Variants in CLYBL observed in about 807,000 individuals in gnomAD.
CLYBL encodes the protein citramalyl-CoA lyase, also known as citramalyl-CoA lyase, mitochondrial.
Under a neutral mutation model 38.9 loss-of-function variants are expected in CLYBL, and 31 were observed. That is an observed-to-expected ratio of 0.80 (90% CI 0.60 to 1.08). The LOEUF (loss-of-function observed/expected upper bound fraction) is 1.08. Among genes scored for constraint, CLYBL ranks in the 50% least tolerant of loss-of-function variants. The pLI, the probability that CLYBL is intolerant of heterozygous loss-of-function variation, is 0.00. For missense variants in CLYBL, 434 were observed against 411.6 expected, an observed-to-expected ratio of 1.05 and a Z score of -0.47; for synonymous variants, 171 against 158.6, an observed-to-expected ratio of 1.08 and a Z score of -0.59.
intron 8 of CLYBL, among the ~76,000 whole-genome samples, chr13:99,903,694 C>T (rs532720163): frequency 6.6e-6 from 1 of 152,138 alleles, no homozygotes; most frequent in Non-Finnish European, 1.5e-5. Context: ...CCAAAATACT[C>T]CGTGAGGTTC....
At position 99,812,695 on chromosome 13, in the gene CLYBL, G is replaced by A. The variant is rs11839443; in HGVS notation, c.249+39685G>A. ...CACATGAAGTGGGAAAAGGAAAAGCGTAATCACGTGCTGGACCCTGACTGG... is the reference window on the plus strand; with the variant it reads ...CACATGAAGTGGGAAAAGGAAAAGCATAATCACGTGCTGGACCCTGACTGG... On this transcript the variant is annotated intron_variant, in intron 2 of 8. Transcript: ENST00000339105. Among the ~76,000 whole-genome samples, 301 of 152,330 alleles carry A rather than the reference G, an allele frequency of 2.0e-3. 1 individual carries two copies. The highest frequency in any genetic ancestry group is 6.7e-3 in the African/African-American group (277 of 41,570).
intron 2 of CLYBL, among the ~76,000 whole-genome samples, chr13:99,835,368 G>T (rs777076125): frequency 6.6e-6 from 1 of 152,176 alleles, no homozygotes; most frequent in Non-Finnish European, 1.5e-5. Context: ...CGTCTGCCCT[G>T]TTGCTCTGAC....
intron 3 of CLYBL, among the ~76,000 whole-genome samples, chr13:99,859,487 T>C (rs937059831): frequency 4.6e-5 from 7 of 152,144 alleles, no homozygotes; most frequent in Admixed American, 3.3e-4. Context: ...TTGCCGCATA[T>C]GAAAAAATGA....
rs140694340 is a variant in CLYBL at position 99,638,012 on chromosome 13, G to A, written c.62+31255G>A. On this transcript the variant is annotated intron_variant, in intron 1 of 8. Coordinates refer to ENST00000339105, the MANE Select transcript of CLYBL (RefSeq NM_206808.5). ...AAGGTCTTGCTCTGTCGCCTAGGCT[G>A]GAGTGCAATGGCACAATCGCGGTTC... 3.5e-4 allele frequency among the ~76,000 whole-genome samples: 43 copies of A among 123,938 alleles called. No individual in the cohort carries two copies. In the East Asian group the frequency reaches 0.01, roughly 29 times the overall value. 81.3% of individuals were successfully genotyped at this position (123,938 alleles called of 152,430 possible).
rs542563801 is a variant in CLYBL, at chr13:99,773,006, A to G, written c.245A>G (p.Lys82Arg). The change falls in exon 2 of 9, where the codon AAA becomes AGA. Residue 82 changes from lysine to arginine, a missense_variant. Physicochemically the swap from Lys to Arg is conservative, Grantham distance 26. Transcript: ENST00000339105. ...LDCEDGVAANKKNEARLRIVK... is the reference protein window; with the variant it reads ...LDCEDGVAANRKNEARLRIVK... ...TGTGAGGATGGAGTGGCTGCAAACAAAAAGGTAATGGCATGATTTTAGTAT... is the reference window on the plus strand; with the variant it reads ...TGTGAGGATGGAGTGGCTGCAAACAGAAAGGTAATGGCATGATTTTAGTAT... 9.9e-6 allele frequency: 16 copies of G among 1,609,084 alleles called. No individual in the cohort carries two copies. The African/African-American group carries it at 2.0e-4, about 20-fold the overall frequency.
At chr13:99,855,071 C>T (rs531849208) in intron 2 of CLYBL, among the ~76,000 whole-genome samples, 19 of 152,288 alleles carry the variant, frequency 1.2e-4, no homozygotes, top group African/African-American at 4.6e-4. Context: ...TGATCCAGAA[C>T]ACGCTATGGT....
At chr13:99,713,505 A>C (rs2048266598) in intron 1 of CLYBL, among the ~76,000 whole-genome samples, 1 of 150,588 alleles carries the variant, frequency 6.6e-6, no homozygotes, top group African/African-American at 2.4e-5. Flanking sequence ...ATGCCTGGCT[A>C]ATTTTTGTAT....
At chr13:99,891,549 A>C (rs2052490411) in intron 8 of CLYBL, 112 bp downstream of exon 8, 3 of 592,990 alleles carry the variant, frequency 5.1e-6, no homozygotes, top group Non-Finnish European at 8.9e-6. Context: ...GTTAATCACA[A>C]TTTTGTTGTT....
At chr13:99,837,474 A>C (rs1479408033) in intron 2 of CLYBL, among the ~76,000 whole-genome samples, 1 of 152,198 alleles carries the variant, frequency 6.6e-6, no homozygotes, top group African/African-American at 2.4e-5. Flanking sequence ...AAATGTTTAA[A>C]AAACAGTCAT....
chr13:99,660,293 A>G (rs943841611), intron 1 of CLYBL, among the ~76,000 whole-genome samples: 8 of 152,220 alleles, frequency 5.3e-5, no homozygotes, highest in Non-Finnish European at 7.3e-5. Flanking sequence ...GGGAAAGGCA[A>G]TTGAACAGTG....
chr13:99,904,165 T>C (rs1177010956), intron 8 of CLYBL, among the ~76,000 whole-genome samples: 2 of 152,242 alleles, frequency 1.3e-5, no homozygotes, highest in African/African-American at 4.8e-5. Context: ...TTGGCTGATA[T>C]TAGAATTATT....
chr13:99,633,210 C>CAAAAAAA (rs59801603), intron 1 of CLYBL, among the ~76,000 whole-genome samples: 12 of 62,726 alleles, frequency 1.9e-4, no homozygotes, highest in Non-Finnish European at 2.6e-4. Flanking sequence ...GATCCTGTCT[C>CAAAAAAA]AAAAAAAAAA....
At chr13:99,609,064 C>T (rs1377618153) in intron 1 of CLYBL, among the ~76,000 whole-genome samples, 1 of 151,158 alleles carries the variant, frequency 6.6e-6, no homozygotes, top group African/African-American at 2.4e-5. Context: ...TCGGAGGCTC[C>T]CATTGCGTAT....
At chr13:99,661,617 G>T (rs2047410640) in intron 1 of CLYBL, among the ~76,000 whole-genome samples, 1 of 152,070 alleles carries the variant, frequency 6.6e-6, no homozygotes, top group African/African-American at 2.4e-5. Flanking sequence ...TAATAATAAG[G>T]ATGCTCCAAG....
At chr13:99,886,632 G>A (rs192813496) in intron 7 of CLYBL, among the ~76,000 whole-genome samples, 2 of 152,378 alleles carry the variant, frequency 1.3e-5, no homozygotes, top group East Asian at 1.9e-4. Context: ...AGCCCATTGC[G>A]TCCGGAGTTC....
chr13:99,700,210 TG>T (rs1373525709), intron 1 of CLYBL, among the ~76,000 whole-genome samples: 1 of 151,906 alleles, frequency 6.6e-6, no homozygotes, highest in Non-Finnish European at 1.5e-5. Flanking sequence ...CTCAGCACTT[TG>T]GGAGGCCGAG....
Position 99,818,446 on chromosome 13 carries a change from A to AACACACACACACACACAC in CLYBL, c.250-40394_250-40377dup, listed in dbSNP as rs57249330. ...CCCCTGAAGATCACATGGAGCAGAA[A>AACACACACACACACACAC]ACACACACACACACACACACACACA... On this transcript the variant is annotated intron_variant, in intron 2 of 8. Transcript: ENST00000339105. 2.7e-3 allele frequency among the ~76,000 whole-genome samples: 394 copies of AACACACACACACACACAC among 143,302 alleles called. 3 individuals carry two copies. The highest frequency in any genetic ancestry group is 7.6e-3 in the African/African-American group (292 of 38,204). 94.0% of individuals were successfully genotyped at this position (143,302 alleles called of 152,430 possible). A position where few individuals can be genotyped will look rare whatever the true frequency, so the allele number is the denominator to read the frequency against.
chr13:99,695,550 C>T (rs2047966159), intron 1 of CLYBL, among the ~76,000 whole-genome samples: 1 of 152,014 alleles, frequency 6.6e-6, no homozygotes, highest in African/African-American at 2.4e-5. Flanking sequence ...GACGGAGTCT[C>T]CCTCTGTCGC....
chr13:99,781,239 T>C (rs1306975578), intron 2 of CLYBL, among the ~76,000 whole-genome samples: 3 of 151,582 alleles, frequency 2.0e-5, no homozygotes, highest in Admixed American at 6.6e-5. Flanking sequence ...GGTGCGATCT[T>C]GGCTCACTGC....
Sources: gnomAD v4.1 joint callset for allele counts (sites outside exome capture counted in the v4.1 genomes callset) on GRCh38, gnomAD v4.1.1 for gene constraint, MANE v1.5 for transcripts, NCBI Gene and HGNC (gene_info 2026-07-23, HGNC 2026-07-21) for gene names.